APP: variants seen among roughly 807,000 people sequenced by gnomAD.
APP encodes amyloid beta precursor protein.
In APP, 31 loss-of-function variants were observed where a neutral mutation model predicts 101.4. The ratio of observed to expected loss-of-function variants is 0.31; its 90% CI spans 0.23 to 0.41. The LOEUF is 0.41. Ranked by LOEUF, APP falls within the 10% of genes least tolerant of loss-of-function variation. The pLI is 1.00. For missense variants in APP, 839 were observed against 1,003.7 expected (o/e 0.84, Z 2.22); for synonymous variants, 366 against 364.4 (o/e 1.00, Z -0.05).
intron 14 of APP, among the ~76,000 whole-genome samples, chr21:25,910,703 T>G (rs554238756): frequency 5.3e-5 from 8 of 152,356 alleles, no homozygotes; most frequent in African/African-American, 1.9e-4. Context: ...CTTACTTCTC[T>G]GAGGTACCAA....
chr21:25,899,403 G>GA (rs2038290043), intron 15 of APP, among the ~76,000 whole-genome samples: 1 of 152,170 alleles, frequency 6.6e-6, no homozygotes, highest in East Asian at 1.9e-4. Context: ...TTGCTCTAGT[G>GA]AACAGAGCAT....
intron 1 of APP, among the ~76,000 whole-genome samples, chr21:26,163,386 T>C (rs867198836): frequency 3.2e-4 from 49 of 152,136 alleles, no homozygotes; most frequent in African/African-American, 9.9e-4. Flanking sequence ...ATTCAAACAC[T>C]GTTTGGGGTC....
chr21:25,987,896 T>A (rs1393623478), intron 8 of APP, among the ~76,000 whole-genome samples: 1 of 152,220 alleles, frequency 6.6e-6, no homozygotes, highest in African/African-American at 2.4e-5. Context: ...GGTGGAATTA[T>A]ATTCTAGGGA....
At chr21:26,136,705 G>A (rs1286551304) in intron 1 of APP, among the ~76,000 whole-genome samples, 1 of 151,918 alleles carries the variant, frequency 6.6e-6, no homozygotes, top group Non-Finnish European at 1.5e-5. Context: ...CAACTTACAA[G>A]GCAGACACTG....
chr21:26,038,773 A>C (rs896778570), intron 5 of APP, among the ~76,000 whole-genome samples: 5 of 151,922 alleles, frequency 3.3e-5, no homozygotes, highest in African/African-American at 7.3e-5. Context: ...AACAAACAAA[A>C]AAAACATCCC....
At chr21:25,912,749 T>C (rs572388279) in intron 13 of APP, among the ~76,000 whole-genome samples, 21 of 152,270 alleles carry the variant, frequency 1.4e-4, no homozygotes, top group Non-Finnish European at 2.6e-4. Flanking sequence ...ACTTTAAAAA[T>C]TGATTAAACA....
intron 2 of APP, among the ~76,000 whole-genome samples, chr21:26,106,576 C>G (rs2062187836): frequency 6.6e-6 from 1 of 151,608 alleles, no homozygotes. Context: ...ACCTTGTACT[C>G]TTGGGCCCAA....
At chr21:26,014,947 A>G (rs1365446825) in intron 6 of APP, among the ~76,000 whole-genome samples, 2 of 152,222 alleles carry the variant, frequency 1.3e-5, no homozygotes, top group African/African-American at 4.8e-5. Context: ...TACCTGCAAG[A>G]AATAAAACTC....
intron 13 of APP, among the ~76,000 whole-genome samples, chr21:25,940,860 C>A (rs1437391652): frequency 6.6e-6 from 1 of 152,144 alleles, no homozygotes. Flanking sequence ...TGCTCAGCCC[C>A]ATCCCTAGCT....
intron 5 of APP, among the ~76,000 whole-genome samples, chr21:26,041,644 G>C (rs2045374682): frequency 6.6e-6 from 1 of 152,020 alleles, no homozygotes. Context: ...CTCATTGCCA[G>C]ATGTAGCTCA....
chr21:25,988,749 A>G (rs8131236), intron 8 of APP, among the ~76,000 whole-genome samples: 4,156 of 149,154 alleles, frequency 0.028, 231 homozygotes, highest in East Asian at 0.17. Context: ...GGTGGCTTGG[A>G]CCAGGGTGGC....
chr21:25,968,322 C>CTTTTTTTT (rs34021818), intron 11 of APP, among the ~76,000 whole-genome samples: 2 of 113,860 alleles, frequency 1.8e-5, no homozygotes, highest in Non-Finnish European at 3.6e-5. Context: ...TTAAAAAAAT[C>CTTTTTTTT]TTTTTTTTTT....
At chr21:25,937,248 C>T (rs555292607) in intron 13 of APP, among the ~76,000 whole-genome samples, 11 of 152,256 alleles carry the variant, frequency 7.2e-5, no homozygotes, top group African/African-American at 2.4e-4. Context: ...TCCCAAGTCA[C>T]TATAGGATAT....
chr21:25,958,570 A>C (rs567064220), intron 11 of APP, among the ~76,000 whole-genome samples: 3,380 of 104,102 alleles, frequency 0.032, 119 homozygotes, highest in African/African-American at 0.1. Context: ...CGACCAGTGC[A>C]CGGCCAATTA....
intron 3 of APP, among the ~76,000 whole-genome samples, chr21:26,075,455 G>C (rs543063406): frequency 6.6e-6 from 1 of 152,278 alleles, no homozygotes; most frequent in Admixed American, 6.5e-5. Context: ...AAGTTTGCTA[G>C]TAAAATTCGA....
chr21:26,160,171 C>T (rs1462650513), intron 1 of APP, among the ~76,000 whole-genome samples: 1 of 152,184 alleles, frequency 6.6e-6, no homozygotes, highest in Non-Finnish European at 1.5e-5. Flanking sequence ...GAATTCCCCC[C>T]TCTCCTATTT....
chr21:26,068,847 C>T (rs150573113), intron 3 of APP, among the ~76,000 whole-genome samples: 37 of 152,312 alleles, frequency 2.4e-4, no homozygotes, highest in East Asian at 7.7e-4. Flanking sequence ...TCAACAGCCT[C>T]CTCCACTCTT....
At chr21:26,125,037 T>G (rs1013645973) in intron 1 of APP, among the ~76,000 whole-genome samples, 3 of 151,206 alleles carry the variant, frequency 2.0e-5, no homozygotes, top group Admixed American at 6.6e-5. Context: ...CAGGAAAGAG[T>G]GACTGGTTTG....
At chr21:25,966,215 A>T (rs2041791332) in intron 11 of APP, among the ~76,000 whole-genome samples, 1 of 152,202 alleles carries the variant, frequency 6.6e-6, no homozygotes, top group Non-Finnish European at 1.5e-5. Flanking sequence ...GCTTTACTGA[A>T]AGAGCATGTA....
Sources: allele counts gnomAD v4.1 joint callset (sites outside exome capture counted in the v4.1 genomes callset), GRCh38; gene constraint gnomAD v4.1.1; transcripts MANE v1.5; gene names NCBI Gene and HGNC (gene_info 2026-07-23, HGNC 2026-07-21).